Variants in PDE10A observed in about 807,000 individuals in gnomAD.
The protein encoded by PDE10A is cAMP and cAMP-inhibited cGMP 3',5'-cyclic phosphodiesterase 10A.
A neutral mutation model predicts 97.7 loss-of-function variants in PDE10A; 39 were observed. The ratio of observed to expected loss-of-function variants is 0.40; its 90% CI spans 0.31 to 0.52. PDE10A has a LOEUF of 0.52. Ranked by LOEUF, PDE10A falls within the 20% of genes least tolerant of loss-of-function variation. The pLI is 0.56. For synonymous variants in PDE10A, 371 were observed against 376.8 expected (o/e 0.98, Z 0.18); for missense variants, 731 against 1,047.8 (o/e 0.70, Z 4.17).
chr6:165,736,578 A>C (rs1046920524), intron 1 of PDE10A, among the ~76,000 whole-genome samples: 62 of 152,210 alleles, frequency 4.1e-4, no homozygotes, highest in African/African-American at 1.5e-3. Flanking sequence ...TCAAAGAAGA[A>C]ATCAAAAGGA....
chr6:165,475,538 C>G (rs1369085591), intron 3 of PDE10A, among the ~76,000 whole-genome samples: 1 of 152,158 alleles, frequency 6.6e-6, no homozygotes, highest in Non-Finnish European at 1.5e-5. Flanking sequence ...TGAAAACATT[C>G]ACTAAGAACT....
At chr6:165,538,168 T>C (rs950037708) in intron 2 of PDE10A, among the ~76,000 whole-genome samples, 4 of 152,064 alleles carry the variant, frequency 2.6e-5, no homozygotes, top group African/African-American at 9.7e-5. Flanking sequence ...AATATCTAAC[T>C]GCTTTATTCG....
rs181595228 is a variant in PDE10A, at chr6:165,495,630, T to C, written c.995-13287A>G. On this transcript the variant is annotated intron_variant, in intron 2 of 21. Transcript: ENST00000539869. The stretch of plus-strand genomic sequence containing the variant: ...TACATTGTTATTTAAAATAAAATCT[T>C]GTAGAAAACTCTCATTCTTACAAAA... 3.4e-3 allele frequency among the ~76,000 whole-genome samples: 511 copies of C among 152,308 alleles called. 3 individuals carry two copies. Among genetic ancestry groups the C allele is most frequent in the African/African-American group, 0.012 (484 of 41,554 alleles).
At chr6:165,622,004 C>T (rs539524782) in intron 1 of PDE10A, among the ~76,000 whole-genome samples, 54 of 152,266 alleles carry the variant, frequency 3.5e-4, no homozygotes, top group African/African-American at 1.2e-3. Context: ...CTGAGTAAAG[C>T]AGATTACCCT....
chr6:165,505,508 T>C lies in PDE10A; in HGVS notation c.995-23165A>G, dbSNP rs193056835. On this transcript the variant is annotated intron_variant, in intron 2 of 21. Coordinates refer to ENST00000539869, the MANE Select transcript of PDE10A (RefSeq NM_001385079.1). ...GAGAGCCAAAATATTACTAATATGA[T>C]ACTTTTTTAAAAAGTTCAAATAAAT... Among the ~76,000 whole-genome samples the C allele has an allele frequency of 2.0e-3, 300 of 152,332 alleles. 1 individual carries two copies. The highest frequency in any genetic ancestry group is 6.8e-3 in the African/African-American group (281 of 41,578).
chr6:165,850,099 G>T (rs960795922), intron 1 of PDE10A, among the ~76,000 whole-genome samples: 4 of 152,094 alleles, frequency 2.6e-5, no homozygotes, highest in Non-Finnish European at 5.9e-5. Context: ...TAACAAAATC[G>T]ATCCTCTTCC....
chr6:165,410,667 T>C (rs1237222236), intron 13 of PDE10A, among the ~76,000 whole-genome samples: 1 of 152,040 alleles, frequency 6.6e-6, no homozygotes, highest in East Asian at 1.9e-4. Flanking sequence ...GTGCAGACGG[T>C]TAATAGGCTC....
At chr6:165,534,143 T>G (rs1782941520) in intron 2 of PDE10A, among the ~76,000 whole-genome samples, 1 of 151,970 alleles carries the variant, frequency 6.6e-6, no homozygotes, top group South Asian at 2.1e-4. Context: ...TAAAGGATCA[T>G]TAGAGACTGC....
chr6:165,364,437 A>T (rs371822782), intron 18 of PDE10A, among the ~76,000 whole-genome samples: 5 of 152,290 alleles, frequency 3.3e-5, no homozygotes, highest in East Asian at 3.9e-4. Flanking sequence ...TCATACCCCA[A>T]ATATGTGAGA....
In PDE10A at chr6:165,967,825, A is replaced by ATAAATAGATG. The variant is rs1412519448; in HGVS notation, c.-615+19703_-615+19704insCATCTATTTA. Among the ~76,000 whole-genome samples the ATAAATAGATG allele has an allele frequency of 3.1e-4, 47 of 152,316 alleles. No individual in the cohort carries two copies. The South Asian group carries it at 4.4e-3, about 14-fold the overall frequency. On this transcript the variant is annotated intron_variant, in intron 1 of 19. Coordinates refer to the PDE10A transcript ENST00000366882. ...TTTATACACAAGAGAAGTGATTCCCATGTTTCATTTGATGTGTAAATAGAT... is the reference window on the plus strand; with the variant it reads ...TTTATACACAAGAGAAGTGATTCCCATAAATAGATGTGTTTCATTTGATGTGTAAATAGAT...
chr6:165,804,112 C>T (rs113969156), intron 1 of PDE10A, among the ~76,000 whole-genome samples: 4 of 152,312 alleles, frequency 2.6e-5, no homozygotes, highest in African/African-American at 7.2e-5. Flanking sequence ...TAACCAAGAT[C>T]TAGTCAATTT....
At chr6:165,468,766 C>A (rs1447099453) in intron 3 of PDE10A, among the ~76,000 whole-genome samples, 2 of 152,130 alleles carry the variant, frequency 1.3e-5, no homozygotes, top group African/African-American at 4.8e-5. Flanking sequence ...TTTAACAAAC[C>A]ACAATCTAGG....
intron 1 of PDE10A, among the ~76,000 whole-genome samples, chr6:165,707,254 C>T (rs1273803876): frequency 6.6e-6 from 1 of 152,198 alleles, no homozygotes; most frequent in Non-Finnish European, 1.5e-5. Flanking sequence ...CGCCCTGGTC[C>T]CCAGGGGATG....
intron 1 of PDE10A, among the ~76,000 whole-genome samples, chr6:165,683,372 T>A (rs1791028611): frequency 1.3e-5 from 2 of 152,084 alleles, no homozygotes; most frequent in Non-Finnish European, 2.9e-5. Flanking sequence ...AGGACTTATT[T>A]AAACAACAAC....
At chr6:165,336,077 G>T in intron 21 of PDE10A, 46 bp downstream of exon 21, 1 of 1,355,482 alleles carries the variant, frequency 7.4e-7, no homozygotes, top group South Asian at 1.2e-5. Context: ...ACAGATCTCA[G>T]TGTTGTTGGA....
At chr6:165,665,872 A>G (rs1446016724), upstream of PDE10A, among the ~76,000 whole-genome samples, 1 of 152,238 alleles carries the variant, frequency 6.6e-6, no homozygotes, top group Non-Finnish European at 1.5e-5. Context: ...AACCATAAGT[A>G]TATTTAAATT....
At position 165,655,691 on chromosome 6, in the gene PDE10A, T is replaced by A. The variant is rs538436169; in HGVS notation, c.865+6256A>T. 1.3e-5 allele frequency among the ~76,000 whole-genome samples: 2 copies of A among 152,190 alleles called. No homozygotes were observed. The highest frequency in any genetic ancestry group is 2.1e-4 in the South Asian group (1 of 4,826). On this transcript the variant is annotated intron_variant, in intron 1 of 21. Transcript: ENST00000539869. This position sits in a 1 kb window ranked among gnomAD's most constrained non-coding sequence, Gnocchi z 4.5. The stretch of plus-strand genomic sequence containing the variant: ...TTCATTCACCAAACTGCAGCCAGAA[T>A]GAGCTTCTGAGATCATAAACCATGG...
At chr6:165,348,781 TC>T (rs1782489629) in intron 18 of PDE10A, among the ~76,000 whole-genome samples, 1 of 152,126 alleles carries the variant, frequency 6.6e-6, no homozygotes, top group South Asian at 2.1e-4. Flanking sequence ...GCGGGCAGTT[TC>T]CCCCTTCCTG....
chr6:165,969,701 A>T (rs138818780), intron 1 of PDE10A, among the ~76,000 whole-genome samples: 1 of 152,296 alleles, frequency 6.6e-6, no homozygotes, highest in East Asian at 1.9e-4. Context: ...ACAGAGAGAG[A>T]TCGAGATAGA....
Sources: allele counts gnomAD v4.1 joint callset (sites outside exome capture counted in the v4.1 genomes callset), GRCh38; gene constraint gnomAD v4.1.1; non-coding constraint Gnocchi (gnomAD v3.1); transcripts MANE v1.5; gene names NCBI Gene and HGNC (gene_info 2026-07-23, HGNC 2026-07-21).